C1orf21: variants seen among roughly 807,000 people sequenced by gnomAD.
C1orf21 encodes chromosome 1 open reading frame 21.
Under a neutral mutation model 18.7 loss-of-function variants are expected in C1orf21, and 3 were observed. The observed-to-expected ratio is 0.16, with a 90% CI of 0.07 to 0.42. The LOEUF is 0.42. C1orf21 is among the 10% of genes least tolerant of loss of function. The pLI is 0.99. For missense variants in C1orf21, 104 were observed against 143.6 expected (o/e 0.72, Z 1.41); for synonymous variants, 41 against 46.4 (o/e 0.88, Z 0.47).
intron 5 of C1orf21, among the ~76,000 whole-genome samples, chr1:184,613,016 T>C (rs1207037544): frequency 6.6e-6 from 1 of 152,160 alleles, no homozygotes; most frequent in East Asian, 1.9e-4. Context: ...AGTGGCACGA[T>C]CTTGACTCAC....
At chr1:184,599,998 T>G (rs34418556) in intron 5 of C1orf21, among the ~76,000 whole-genome samples, 11,243 of 152,234 alleles carry the variant, frequency 0.074, 496 homozygotes, top group Non-Finnish European at 0.087. Flanking sequence ...ACGATGAAGA[T>G]CTTTTCTTCC....
intron 2 of C1orf21, among the ~76,000 whole-genome samples, chr1:184,480,153 CAG>C (rs903655005): frequency 6.6e-6 from 1 of 152,168 alleles, no homozygotes; most frequent in African/African-American, 2.4e-5. Context: ...ACCGCAGAAT[CAG>C]AGCAGATTTC....
rs371520130 is a variant in C1orf21 at position 184,477,485 on chromosome 1, C to T, written c.-25C>T. 1,211 of 1,596,618 alleles carry T rather than the reference C, an allele frequency of 7.6e-4. 2 individuals are homozygous for T. The highest frequency in any genetic ancestry group is 1.2e-3 in the South Asian group (111 of 89,608). The stretch of plus-strand genomic sequence containing the variant: ...TGTAGAGATGATTTGCAGTTCAGCC[C>T]GGCTGAAGCTGACCGAATGAGACTA... On this transcript the variant is annotated 5_prime_UTR_variant, in exon 2 of 6. Transcript: ENST00000235307.
At chr1:184,460,614 G>GTCT (rs1176335646) in intron 1 of C1orf21, among the ~76,000 whole-genome samples, 70 of 127,316 alleles carry the variant, frequency 5.5e-4, no homozygotes, top group African/African-American at 2.4e-3. Context: ...TAGTATTGTC[G>GTCT]TCGTCGTCTT....
intron 1 of C1orf21, among the ~76,000 whole-genome samples, chr1:184,402,616 CAAA>C (rs57016276): frequency 5.1e-5 from 6 of 118,312 alleles, no homozygotes; most frequent in East Asian, 2.6e-4. Context: ...GACCCTGTCT[CAAA>C]AAAAAAAAAA....
intron 3 of C1orf21, among the ~76,000 whole-genome samples, chr1:184,555,555 A>G (rs1658866362): frequency 6.6e-6 from 1 of 152,124 alleles, no homozygotes; most frequent in Non-Finnish European, 1.5e-5. Context: ...ACATACACAC[A>G]CACACACTGT....
intron 1 of C1orf21, among the ~76,000 whole-genome samples, chr1:184,419,122 C>T (rs560096977): frequency 6.6e-5 from 10 of 151,902 alleles, no homozygotes; most frequent in Non-Finnish European, 8.8e-5. Context: ...CAAACAGCCC[C>T]GGATCTACAG....
intron 5 of C1orf21, among the ~76,000 whole-genome samples, chr1:184,600,178 T>C (rs1659568707): frequency 6.6e-6 from 1 of 151,358 alleles, no homozygotes; most frequent in African/African-American, 2.4e-5. Context: ...TTTTTTTTTC[T>C]TTTTTTTGAG....
chr1:184,389,941 T>G (rs923330417), intron 1 of C1orf21, among the ~76,000 whole-genome samples: 1 of 152,238 alleles, frequency 6.6e-6, no homozygotes, highest in Admixed American at 6.5e-5. Flanking sequence ...AGCCATATAA[T>G]GAGGCATCTT....
chr1:184,480,386 G>A (rs149904866), intron 2 of C1orf21, among the ~76,000 whole-genome samples: 66 of 152,318 alleles, frequency 4.3e-4, no homozygotes, highest in Non-Finnish European at 7.5e-4. Context: ...AATACCAAAT[G>A]ACAGTCTTTA....
chr1:184,539,626 C>A lies in C1orf21; in HGVS notation c.189+31944C>A, dbSNP rs544533645. Among the ~76,000 whole-genome samples, 27 of 152,308 alleles carry A rather than the reference C, an allele frequency of 1.8e-4. No homozygotes were observed. In the East Asian group the frequency reaches 4.4e-3, roughly 25 times the overall value. ...TGAAGCAATCAGGCCCAGGACTTTT[C>A]ACAGCTGCATGTTTTAACCTTTAAA... On this transcript the variant is annotated intron_variant, in intron 3 of 5. Coordinates refer to ENST00000235307, the MANE Select transcript of C1orf21 (RefSeq NM_030806.4).
intron 3 of C1orf21, among the ~76,000 whole-genome samples, chr1:184,530,332 T>C (rs758940549): frequency 2.6e-5 from 4 of 152,032 alleles, no homozygotes; most frequent in Non-Finnish European, 4.4e-5. Flanking sequence ...ACCCACCACA[T>C]AGATTTATTT....
chr1:184,507,770 C>A, intron 3 of C1orf21, 88 bp downstream of exon 3: 2 of 1,005,612 alleles, frequency 2.0e-6, no homozygotes, highest in Non-Finnish European at 2.9e-6. Flanking sequence ...GCAACTTACA[C>A]ACTGGCACAA....
chr1:184,432,570 TG>T (rs1656782682), intron 1 of C1orf21, among the ~76,000 whole-genome samples: 1 of 151,952 alleles, frequency 6.6e-6, no homozygotes, highest in Non-Finnish European at 1.5e-5. Context: ...CTAATGTAGA[TG>T]ATGGGTTGAT....
At chr1:184,418,364 C>A (rs909074956) in intron 1 of C1orf21, among the ~76,000 whole-genome samples, 1 of 152,166 alleles carries the variant, frequency 6.6e-6, no homozygotes, top group Non-Finnish European at 1.5e-5. Context: ...CATGTGCCAC[C>A]ATGCCTGGCT....
rs1655922860 is a variant in C1orf21, at chr1:184,388,571, A to T, written c.-125+1203A>T. Among the ~76,000 whole-genome samples, 3 of 152,020 alleles carry T rather than the reference A, an allele frequency of 2.0e-5. No individual in the cohort carries two copies. The East Asian group carries it at 5.8e-4, about 29-fold the overall frequency. On this transcript the variant is annotated intron_variant, in intron 1 of 5. Coordinates refer to ENST00000235307, the MANE Select transcript of C1orf21 (RefSeq NM_030806.4). ...TAAAGACACACGTAGTCTGACTCAGATGTTAGGAAGGGGACTGACACACCA... is the reference window on the plus strand; with the variant it reads ...TAAAGACACACGTAGTCTGACTCAGTTGTTAGGAAGGGGACTGACACACCA...
chr1:184,570,833 G>GTGAACC (rs149717666), intron 3 of C1orf21, among the ~76,000 whole-genome samples: 4,532 of 152,214 alleles, frequency 0.03, 228 homozygotes, highest in African/African-American at 0.1. Flanking sequence ...TTGTCGTCAT[G>GTGAACC]TGAACCTCAT....
At position 184,626,137 on chromosome 1, in the gene C1orf21, G is replaced by A. The variant is rs1660006374; in HGVS notation, c.*6581G>A. 6.6e-6 allele frequency: 1 copy of A among 152,180 alleles called. No individual in the cohort carries two copies. The highest frequency in any genetic ancestry group is 2.4e-5 in the African/African-American group (1 of 41,424). 9.4% of individuals were successfully genotyped at this position (152,180 alleles called of 1,614,324 possible). On this transcript the variant is annotated 3_prime_UTR_variant, in exon 6 of 6. Transcript: ENST00000235307. Reference sequence around the variant, plus strand: ...TTTCTGGAGCCCCTGGTACACTCCAGGCACTGCGCTAATTGCCAGCAAAGC... The same window carrying A: ...TTTCTGGAGCCCCTGGTACACTCCAAGCACTGCGCTAATTGCCAGCAAAGC...
chr1:184,406,079 A>G (rs78096047), intron 1 of C1orf21, among the ~76,000 whole-genome samples: 1,665 of 152,302 alleles, frequency 0.011, 36 homozygotes, highest in African/African-American at 0.038. Context: ...TATTATCTCA[A>G]ATGAGAATTT....
Sources: allele counts gnomAD v4.1 joint callset (sites outside exome capture counted in the v4.1 genomes callset), GRCh38; gene constraint gnomAD v4.1.1; transcripts MANE v1.5; gene names NCBI Gene and HGNC (gene_info 2026-07-23, HGNC 2026-07-21).